The following DENND1A variants were observed in gnomAD, a reference collection of about 807,000 sequenced individuals.
The protein encoded by DENND1A is DENN domain containing 1A.
DENND1A carries 51 observed loss-of-function variants against 113.7 expected under a neutral mutation model. That is an observed-to-expected ratio of 0.45 (90% CI 0.36 to 0.57). DENND1A has a LOEUF of 0.57. DENND1A is among the 20% of genes least tolerant of loss of function. DENND1A has a pLI of 0.00. For missense variants in DENND1A, 1,258 were observed against 1,395.9 expected (o/e 0.90, Z 1.57); for synonymous variants, 565 against 570.8 (o/e 0.99, Z 0.14).
chr9:123,570,516 G>A (rs963382589), intron 12 of DENND1A, among the ~76,000 whole-genome samples: 1 of 152,122 alleles, frequency 6.6e-6, no homozygotes, highest in Non-Finnish European at 1.5e-5. Context: ...AGGATGGATG[G>A]GGACTGGAGA....
chr9:123,549,301 C>T (rs1450599629), intron 13 of DENND1A, among the ~76,000 whole-genome samples: 6 of 152,118 alleles, frequency 3.9e-5, no homozygotes, highest in African/African-American at 1.4e-4. Flanking sequence ...TACATAGTGT[C>T]TTAAGGTTCC....
rs142361073 is a variant in DENND1A, at chr9:123,591,956, G to A, written c.766-8686C>T. Among the ~76,000 whole-genome samples the A allele has an allele frequency of 9.8e-5, 15 of 152,314 alleles. No individual in the cohort carries two copies. The East Asian group carries it at 2.9e-3, about 29-fold the overall frequency. The stretch of plus-strand genomic sequence containing the variant: ...ACACAGCGATTAAGACTGTGGGTCT[G>A]GAACAAGACAGCCAGATTCAAGCCC... On this transcript the variant is annotated intron_variant, in intron 11 of 23. Coordinates refer to ENST00000394215, the MANE Select transcript of DENND1A (RefSeq NM_001352964.2).
At chr9:123,551,027 C>G (rs1171580050) in intron 13 of DENND1A, among the ~76,000 whole-genome samples, 1 of 152,192 alleles carries the variant, frequency 6.6e-6, no homozygotes, top group Non-Finnish European at 1.5e-5. Context: ...TGAGCTGGAG[C>G]CTGGGCTGCC....
intron 1 of DENND1A, among the ~76,000 whole-genome samples, chr9:123,892,403 C>T (rs1339472793): frequency 6.6e-6 from 1 of 152,146 alleles, no homozygotes; most frequent in Non-Finnish European, 1.5e-5. Context: ...TCGGAAGGAG[C>T]ACATTATTTC....
intron 2 of DENND1A, among the ~76,000 whole-genome samples, chr9:123,798,709 T>C (rs1202781862): frequency 2.8e-5 from 3 of 108,572 alleles, no homozygotes; most frequent in Non-Finnish European, 5.3e-5. Context: ...AAAGGAAGGG[T>C]AGGGTGTGCT....
chr9:123,642,876 G>T (rs1320715804), intron 9 of DENND1A, among the ~76,000 whole-genome samples: 1 of 152,240 alleles, frequency 6.6e-6, no homozygotes, highest in Non-Finnish European at 1.5e-5. Context: ...TCATTCAGGT[G>T]CTCAGCTCAT....
At chr9:123,677,193 A>ACG (rs2064134413) in intron 5 of DENND1A, among the ~76,000 whole-genome samples, 1 of 152,116 alleles carries the variant, frequency 6.6e-6, no homozygotes, top group African/African-American at 2.4e-5. Context: ...ACACACACAC[A>ACG]GCATTCCCAC....
chr9:123,600,936 C>T (rs1205921605), intron 11 of DENND1A, among the ~76,000 whole-genome samples: 1 of 152,132 alleles, frequency 6.6e-6, no homozygotes, highest in Non-Finnish European at 1.5e-5. Context: ...GTTACACAGT[C>T]CCCCTGCTCA....
Position 123,583,790 on chromosome 9 carries a change from A to G in DENND1A, c.766-520T>C, listed in dbSNP as rs116125317. Among the ~76,000 whole-genome samples, 483 of 152,298 alleles carry G rather than the reference A, an allele frequency of 3.2e-3. 4 individuals carry two copies. Among genetic ancestry groups the G allele is most frequent in the African/African-American group, 0.011 (465 of 41,564 alleles). On this transcript the variant is annotated intron_variant, in intron 11 of 23. Transcript: ENST00000394215. ...CTTAAACGCCAAGTAGGAAGGTCAC[A>G]CTTTCAATTTGGTTCCATTTTCCAC...
chr9:123,904,640 G>A (rs201511474), intron 1 of DENND1A, among the ~76,000 whole-genome samples: 4,932 of 148,846 alleles, frequency 0.033, 85 homozygotes, highest in Middle Eastern at 0.048. Flanking sequence ...GAAATGAAGC[G>A]AGAAGGGAAG....
intron 10 of DENND1A, among the ~76,000 whole-genome samples, chr9:123,614,959 C>T (rs929504184): frequency 6.6e-6 from 1 of 152,042 alleles, no homozygotes; most frequent in Non-Finnish European, 1.5e-5. Flanking sequence ...AAATTCTGCT[C>T]GAAATAATGA....
intron 5 of DENND1A, among the ~76,000 whole-genome samples, chr9:123,737,013 T>C (rs897844195): frequency 1.3e-5 from 2 of 152,226 alleles, no homozygotes; most frequent in African/African-American, 4.8e-5. Context: ...ATATAATTTA[T>C]TCGGTATTTT....
chr9:123,687,115 T>C (rs1184682336), intron 5 of DENND1A, among the ~76,000 whole-genome samples: 1 of 151,746 alleles, frequency 6.6e-6, no homozygotes, highest in Non-Finnish European at 1.5e-5. Flanking sequence ...GGCAGGCAGG[T>C]AAAGAAAGGA....
At chr9:123,511,017 A>G (rs1328849057) in intron 13 of DENND1A, among the ~76,000 whole-genome samples, 1 of 152,146 alleles carries the variant, frequency 6.6e-6, no homozygotes, top group Non-Finnish European at 1.5e-5. Context: ...TTAGGAAAAC[A>G]CTGTGACCTC....
chr9:123,514,143 G>A (rs1367472424), intron 13 of DENND1A, among the ~76,000 whole-genome samples: 1 of 150,804 alleles, frequency 6.6e-6, no homozygotes, highest in Admixed American at 6.7e-5. Flanking sequence ...AGCATGGGGT[G>A]TCTCAGCCTA....
At chr9:123,804,076 T>C (rs1835139884) in intron 2 of DENND1A, among the ~76,000 whole-genome samples, 1 of 152,222 alleles carries the variant, frequency 6.6e-6, no homozygotes, top group South Asian at 2.1e-4. Flanking sequence ...AATTCCCACA[T>C]GTTATGGGAG....
At chr9:123,740,070 C>T (rs994831592) in intron 5 of DENND1A, among the ~76,000 whole-genome samples, 1 of 152,134 alleles carries the variant, frequency 6.6e-6, no homozygotes, top group African/African-American at 2.4e-5. Context: ...TACAAAACCA[C>T]CTTTAAGTGT....
intron 19 of DENND1A, 22 bp downstream of exon 19, chr9:123,440,338 G>C: frequency 6.3e-7 from 1 of 1,580,716 alleles, no homozygotes; most frequent in Non-Finnish European, 8.6e-7. Flanking sequence ...AAACAGACAG[G>C]TAGGAGGGCC....
chr9:123,856,499 C>T (rs558193829), intron 2 of DENND1A, among the ~76,000 whole-genome samples: 3 of 152,216 alleles, frequency 2.0e-5, no homozygotes, highest in South Asian at 2.1e-4. Flanking sequence ...GTTTGAGAAG[C>T]GTGTCCATGT....
Sources: allele counts gnomAD v4.1 joint callset (sites outside exome capture counted in the v4.1 genomes callset), GRCh38; gene constraint gnomAD v4.1.1; transcripts MANE v1.5; gene names NCBI Gene and HGNC (gene_info 2026-07-23, HGNC 2026-07-21).